The following PPP2R3B variants were observed in gnomAD, a reference collection of about 807,000 sequenced individuals.
The protein encoded by PPP2R3B is protein phosphatase 2 regulatory subunit B''beta, also known as serine/threonine-protein phosphatase 2A regulatory subunit B'' subunit beta.
A neutral mutation model predicts 72.9 loss-of-function variants in PPP2R3B; 68 were observed. The observed-to-expected ratio is 0.93, with a 90% confidence interval of 0.77 to 1.14. PPP2R3B has a LOEUF of 1.14. Ranked by LOEUF, PPP2R3B falls within the 50% of genes most tolerant of loss-of-function variation. The pLI, the probability that PPP2R3B is intolerant of heterozygous loss-of-function variation, is 0.00. For synonymous variants in PPP2R3B, 466 were observed against 375.8 expected (o/e 1.24, Z -2.78); for missense variants, 1,018 against 842.0 (o/e 1.21, Z -2.59).
At chrX:375,602 T>C (rs867992182) in intron 1 of PPP2R3B, among the ~76,000 whole-genome samples, 239 of 132,650 alleles carry the variant, frequency 1.8e-3, no homozygotes, top group Middle Eastern at 0.017. Context: ...ACCCACGATG[T>C]GGGGCGCAAA....
intron 1 of PPP2R3B, among the ~76,000 whole-genome samples, chrX:368,447 C>T (rs1200985934): frequency 1.3e-4 from 4 of 31,446 alleles, no homozygotes; most frequent in East Asian, 8.3e-4. Context: ...CGGGCACTGA[C>T]GGGGGGGAAG....
chrX:341,928 A>G lies in PPP2R3B; in HGVS notation c.1040T>C (p.Leu347Pro). 1.2e-6 allele frequency: 2 copies of G among 1,612,720 alleles called. No homozygotes were observed. The highest frequency in any genetic ancestry group is 1.7e-6 in the Non-Finnish European group (2 of 1,179,760). The stretch of plus-strand genomic sequence containing the variant: ...GATCCTGTCTATCATCTTGGTAGAA[A>G]GGGCTGGAAAGGAATGCGGTTGATG... ...DDLARHNDHA[L>P]STKMIDRIFS... The change falls in exon 8 of 13, where the codon CTT becomes CCT. Residue 347 changes from leucine to proline, a missense_variant. By Grantham distance (98) the Leu-to-Pro change is moderately conservative. Transcript: ENST00000390665.
Position 386,534 on chromosome X carries a change from TC to T in PPP2R3B, c.157del (p.Glu53SerfsTer56). The T allele has an allele frequency of 1.4e-6, 2 of 1,428,164 alleles. No homozygotes were observed. The highest frequency in any genetic ancestry group is 1.8e-6 in the Non-Finnish European group (2 of 1,087,706). 88.5% of individuals were successfully genotyped at this position (1,428,164 alleles called of 1,614,324 possible). A position where few individuals can be genotyped will look rare whatever the true frequency, so the allele number is the denominator to read the frequency against. On this transcript the variant is annotated frameshift_variant, in exon 1 of 13. Transcript: ENST00000390665. LOFTEE classifies it high-confidence loss of function. The part of the protein sequence containing the change: ...GRDQPTPGDG[E>X]QPGAWPTAPL... ...GGCTGTGGGCCAGGCCCCGGGCTGCTCCCCGTCCCCCGGGGTCGGCTGGTCC... is the reference window on the plus strand; with the variant it reads ...GGCTGTGGGCCAGGCCCCGGGCTGCTCCCGTCCCCCGGGGTCGGCTGGTCC...
At chrX:357,517 A>G (rs908569945) in intron 2 of PPP2R3B, among the ~76,000 whole-genome samples, 8 of 152,216 alleles carry the variant, frequency 5.3e-5, no homozygotes, top group African/African-American at 1.7e-4. Flanking sequence ...GTGTAGCATG[A>G]CGGATCAAGA....
In PPP2R3B at chrX:341,378, C is replaced by T. The variant is rs1355535830; in HGVS notation, c.1104G>A (p.Lys368=). ...AGTCGGCATAGCTGATCTTCCCTTC[C>T]TTCTGCACTTTTCTGCCTCTAGATC... ...GAVTRGRKVQ[K]EGKISYADFV... Residue 368 remains lysine (K), a synonymous_variant, in exon 9 of 13, where the codon AAG becomes AAA. Transcript: ENST00000390665. The T allele has an allele frequency of 8.1e-6, 13 of 1,612,606 alleles. No individual in the cohort carries two copies. Among genetic ancestry groups the T allele is most frequent in the South Asian group, 4.4e-5 (4 of 91,086 alleles).
At chrX:346,332 G>A in intron 5 of PPP2R3B, 72 bp from the exon 6 acceptor site, 1 of 1,439,010 alleles carries the variant, frequency 6.9e-7, no homozygotes, top group East Asian at 2.5e-5. Flanking sequence ...GAGACCGGGA[G>A]CCGGGAGAGG....
At chrX:337,020 T>C (rs1273223151) in intron 12 of PPP2R3B, 1 of 152,140 alleles carries the variant, frequency 6.6e-6, no homozygotes, top group African/African-American at 2.4e-5. Flanking sequence ...AGTGGCGCGA[T>C]CTTGGCTCAC....
At chrX:358,677 G>C (rs1407214276) in intron 2 of PPP2R3B, among the ~76,000 whole-genome samples, 1 of 152,090 alleles carries the variant, frequency 6.6e-6, no homozygotes, top group Non-Finnish European at 1.5e-5. Context: ...CGGCCACCAA[G>C]GCCAGTGCCG....
At chrX:379,339 G>C (rs1244143991) in intron 1 of PPP2R3B, among the ~76,000 whole-genome samples, 1 of 141,262 alleles carries the variant, frequency 7.1e-6, no homozygotes, top group Admixed American at 7.0e-5. Context: ...GTATGCACCT[G>C]TTATGCACCT....
At chrX:354,247 T>TGGGGGCTCACCCAAACACC (rs2071397095) in intron 2 of PPP2R3B, among the ~76,000 whole-genome samples, 1 of 60,574 alleles carries the variant, frequency 1.7e-5, no homozygotes, top group Non-Finnish European at 3.3e-5. Context: ...ACCCAAACAC[T>TGGGGGCTCACCCAAACACC]GGGGGCTCAC....
intron 7 of PPP2R3B, chrX:342,341 CGG>C (rs1569381688): frequency 1.1e-5 from 2 of 175,538 alleles, no homozygotes; most frequent in East Asian, 3.1e-4. Flanking sequence ...ACCTCAGCAA[CGG>C]GAGGCGGGAG....
At chrX:358,370 C>T (rs1299971506) in intron 2 of PPP2R3B, among the ~76,000 whole-genome samples, 2 of 152,274 alleles carry the variant, frequency 1.3e-5, no homozygotes, top group Non-Finnish European at 2.9e-5. Context: ...CCCTGCTGGC[C>T]TCTGCCCACA....
chrX:384,844 G>A (rs187031646), intron 1 of PPP2R3B, among the ~76,000 whole-genome samples: 1 of 151,900 alleles, frequency 6.6e-6, no homozygotes, highest in Admixed American at 6.6e-5. Flanking sequence ...AATTAGCCGG[G>A]GGTGGTGGTG....
At chrX:354,264 ACCAGGGG>A (rs2071397809) in intron 2 of PPP2R3B, among the ~76,000 whole-genome samples, 3 of 149,724 alleles carry the variant, frequency 2.0e-5, no homozygotes, top group Non-Finnish European at 3.0e-5. Flanking sequence ...TCACCCAAAC[ACCAGGGG>A]CTCACCCAAA....
rs775245538 is a variant in PPP2R3B, at chrX:341,923, T to C, written c.1045A>G (p.Thr349Ala). Residue 349 changes from threonine to alanine, a missense_variant, in exon 8 of 13, where the codon ACC (threonine) becomes GCC (alanine). By Grantham distance (58) the Thr-to-Ala change is moderately conservative. Transcript: ENST00000390665. ...GAGAAGATCCTGTCTATCATCTTGGTAGAAAGGGCTGGAAAGGAATGCGGT... is the reference window on the plus strand; with the variant it reads ...GAGAAGATCCTGTCTATCATCTTGGCAGAAAGGGCTGGAAAGGAATGCGGT... ...LARHNDHALSTKMIDRIFSGA... is the reference protein window; with the variant it reads ...LARHNDHALSAKMIDRIFSGA... 2 of 1,612,500 alleles carry C rather than the reference T, an allele frequency of 1.2e-6. No individual in the cohort carries two copies. The highest frequency in any genetic ancestry group is 1.1e-5 in the South Asian group (1 of 91,082).
chrX:364,054 T>C (rs1272746108), intron 1 of PPP2R3B, among the ~76,000 whole-genome samples: 1 of 152,220 alleles, frequency 6.6e-6, no homozygotes, highest in Non-Finnish European at 1.5e-5. Flanking sequence ...GGGAAGCCCG[T>C]GGAGCCTGAA....
chrX:368,023 A>G (rs1326770363), intron 1 of PPP2R3B, among the ~76,000 whole-genome samples: 1 of 152,250 alleles, frequency 6.6e-6, no homozygotes, highest in Non-Finnish European at 1.5e-5. Flanking sequence ...TCCATGCCTG[A>G]CAACGCAGCC....
Position 347,710 on chromosome X carries a change from A to G in PPP2R3B, c.511-17T>C, listed in dbSNP as rs1193959702. 1.3e-6 allele frequency: 2 copies of G among 1,506,978 alleles called. No individual in the cohort carries two copies. Among genetic ancestry groups the G allele is most frequent in the Non-Finnish European group, 1.8e-6 (2 of 1,129,316 alleles). 93.4% of individuals were successfully genotyped at this position (1,506,978 alleles called of 1,614,324 possible). A position where few individuals can be genotyped will look rare whatever the true frequency, so the allele number is the denominator to read the frequency against. On this transcript the variant is annotated splice_polypyrimidine_tract_variant and intron_variant, in intron 2 of 12. Transcript: ENST00000390665. ...GCCGCAGGCCTGGGGCAGAGAGGGC[A>G]GGAGTGGGCAGTCAGCAGGGCCTGG...
intron 2 of PPP2R3B, among the ~76,000 whole-genome samples, chrX:353,870 A>G (rs185989641): frequency 0.022 from 1,754 of 81,324 alleles, 209 homozygotes; most frequent in East Asian, 0.1. Context: ...GCTCACCCAA[A>G]GACCAGGGCT....
Sources: gnomAD v4.1 joint callset for allele counts (sites outside exome capture counted in the v4.1 genomes callset) on GRCh38, gnomAD v4.1.1 for gene constraint, MANE v1.5 for transcripts, NCBI Gene and HGNC (gene_info 2026-07-23, HGNC 2026-07-21) for gene names.